SDK1: variants seen among roughly 807,000 people sequenced by gnomAD.
SDK1 encodes the protein protein sidekick-1.
Under a neutral mutation model 245.5 loss-of-function variants are expected in SDK1, and 157 were observed. The ratio of observed to expected loss-of-function variants is 0.64; its 90% CI spans 0.56 to 0.73. The LOEUF (loss-of-function observed/expected upper bound fraction) is 0.73, where lower values mean the gene tolerates loss of function less well. Ranked by LOEUF, SDK1 falls within the 30% of genes least tolerant of loss-of-function variation. The pLI is 0.00. For synonymous variants in SDK1, 1,647 were observed against 1,278.5 expected (o/e 1.29, Z -6.15); for missense variants, 3,583 against 3,002.3 (o/e 1.19, Z -4.52).
chr7:3,951,847 A>G lies in SDK1; in HGVS notation c.1077A>G (p.Pro359=), dbSNP rs6961589. The G allele has an allele frequency of 0.012, 18,972 of 1,613,780 alleles. 1,832 individuals carry two copies. In the African/African-American group the frequency reaches 0.21, roughly 18 times the overall value. Residue 359 remains proline, a synonymous_variant, in exon 7 of 45, where the codon CCA becomes CCG. Transcript: ENST00000404826. ...ISNPTSADTG[P]YVCEAALPGS... ...ACCCGACGTCCGCGGACACCGGGCC[A>G]TACGTCTGCGAGGCGGCGCTGCCGG...
chr7:3,460,873 A>G (rs1562499474), intron 1 of SDK1, among the ~76,000 whole-genome samples: 1 of 152,188 alleles, frequency 6.6e-6, no homozygotes, highest in Non-Finnish European at 1.5e-5. Flanking sequence ...TGGTATTTTA[A>G]AAATAAGTCT....
chr7:4,018,380 A>C (rs1271550691), intron 17 of SDK1, among the ~76,000 whole-genome samples: 1 of 152,146 alleles, frequency 6.6e-6, no homozygotes, highest in Non-Finnish European at 1.5e-5. Flanking sequence ...TGTCATCTGT[A>C]AGTCCATAAA....
At chr7:3,817,372 G>A (rs1029307773) in intron 4 of SDK1, among the ~76,000 whole-genome samples, 9 of 152,194 alleles carry the variant, frequency 5.9e-5, no homozygotes, top group Admixed American at 5.2e-4. Flanking sequence ...CCTGGTTCAG[G>A]TTAGTGTCTC....
intron 5 of SDK1, among the ~76,000 whole-genome samples, chr7:3,850,799 A>G (rs1005784369): frequency 2.1e-5 from 3 of 144,422 alleles, no homozygotes; most frequent in Non-Finnish European, 4.6e-5. Context: ...ATAGGTGGGA[A>G]TTGAACAATG....
Position 3,639,085 on chromosome 7 carries a change from A to G in SDK1, c.540A>G (p.Gln180=). 6.2e-7 allele frequency: 1 copy of G among 1,601,740 alleles called. No individual in the cohort carries two copies. The highest frequency in any genetic ancestry group is 8.5e-7 in the Non-Finnish European group (1 of 1,170,636). ...GAAACAGAATGGGAGCACTCCTGCA[A>G]AGAAAATCAGAAGTTCAAGTCGCAT... ...VVRNRMGALL[Q]RKSEVQVAYM... Residue 180 remains glutamine, a synonymous_variant, in exon 3 of 45, where the codon CAA becomes CAG. Coordinates refer to ENST00000404826, the MANE Select transcript of SDK1 (RefSeq NM_152744.4).
intron 4 of SDK1, among the ~76,000 whole-genome samples, chr7:3,766,656 T>C (rs1456590471): frequency 6.6e-6 from 1 of 152,216 alleles, no homozygotes; most frequent in Admixed American, 6.5e-5. Flanking sequence ...TAGCTTTTGG[T>C]TATTATGGGC....
At chr7:3,564,095 T>C (rs915387925) in intron 1 of SDK1, among the ~76,000 whole-genome samples, 1 of 152,078 alleles carries the variant, frequency 6.6e-6, no homozygotes, top group African/African-American at 2.4e-5. Flanking sequence ...ATTAAACATA[T>C]AGTTTATTAA....
intron 1 of SDK1, among the ~76,000 whole-genome samples, chr7:3,515,591 G>C (rs1782720672): frequency 6.6e-6 from 1 of 152,124 alleles, no homozygotes; most frequent in African/African-American, 2.4e-5. Flanking sequence ...TCTTAAAATA[G>C]TAGACTTCTC....
At chr7:3,499,477 A>G (rs1022052754) in intron 1 of SDK1, among the ~76,000 whole-genome samples, 1 of 152,210 alleles carries the variant, frequency 6.6e-6, no homozygotes, top group Non-Finnish European at 1.5e-5. Flanking sequence ...GGTTAACAAC[A>G]TTGCCAGTGT....
chr7:3,992,031 A>G (rs1784367599), intron 14 of SDK1, among the ~76,000 whole-genome samples: 3 of 152,338 alleles, frequency 2.0e-5, no homozygotes, highest in Non-Finnish European at 1.5e-5. Context: ...AAATAGCGCC[A>G]TCTACTAGGT....
chr7:4,178,107 G>C (rs564083312), intron 34 of SDK1, among the ~76,000 whole-genome samples: 32 of 152,344 alleles, frequency 2.1e-4, no homozygotes, highest in Admixed American at 1.9e-3. Context: ...GTCAATACCA[G>C]TGAAGCTTTG....
chr7:3,722,867 C>T (rs920794699), intron 4 of SDK1, among the ~76,000 whole-genome samples: 1 of 152,228 alleles, frequency 6.6e-6, no homozygotes, highest in African/African-American at 2.4e-5. Context: ...GCCATTCCCC[C>T]TCCTCTCTCA....
intron 1 of SDK1, among the ~76,000 whole-genome samples, chr7:3,462,618 C>A (rs1562500447): frequency 1.3e-5 from 2 of 152,138 alleles, no homozygotes; most frequent in African/African-American, 4.8e-5. Flanking sequence ...ACCAAACTTA[C>A]CTATCTACCT....
At chr7:3,809,929 C>G (rs995701342) in intron 4 of SDK1, among the ~76,000 whole-genome samples, 1 of 152,220 alleles carries the variant, frequency 6.6e-6, no homozygotes, top group African/African-American at 2.4e-5. Context: ...GTAAGAATGG[C>G]TGGGCCAACG....
At chr7:3,777,594 C>T (rs1263319021) in intron 4 of SDK1, among the ~76,000 whole-genome samples, 1 of 152,166 alleles carries the variant, frequency 6.6e-6, no homozygotes, top group Non-Finnish European at 1.5e-5. Flanking sequence ...ACCTGAGCCC[C>T]CTCTGCCAAC....
chr7:3,545,364 A>G (rs1295073838), intron 1 of SDK1, among the ~76,000 whole-genome samples: 2 of 152,210 alleles, frequency 1.3e-5, no homozygotes, highest in Non-Finnish European at 1.5e-5. Context: ...AGTGAGGCCA[A>G]GATGATATTG....
rs934787266 is a variant in SDK1 at position 4,265,565 on chromosome 7, G to C, written c.*181G>C. 16 of 1,341,984 alleles carry C rather than the reference G, an allele frequency of 1.2e-5. No individual in the cohort carries two copies. Among genetic ancestry groups the C allele is most frequent in the Non-Finnish European group, 1.5e-5 (16 of 1,055,850 alleles). 83.1% of individuals were successfully genotyped at this position (1,341,984 alleles called of 1,614,324 possible). A position where few individuals can be genotyped will look rare whatever the true frequency, so the allele number is the denominator to read the frequency against. On this transcript the variant is annotated 3_prime_UTR_variant, in exon 45 of 45. Transcript: ENST00000404826. The stretch of plus-strand genomic sequence containing the variant: ...TCAATTAGGAAGGTTTTTTTAAACG[G>C]CTTTTTGTAACTTCGCTGCAGGAAG...
rs767881736 is a variant in SDK1 at position 4,174,185 on chromosome 7, C to G, written c.4801-37C>G. On this transcript the variant is annotated intron_variant, in intron 32 of 44. Transcript: ENST00000404826. The stretch of plus-strand genomic sequence containing the variant: ...CTGCTGCAGGCCAGCTGGGTTGACT[C>G]CCATGGTGTGGCTGAGTCGGTGTGA... 1.7e-5 allele frequency: 27 copies of G among 1,611,650 alleles called. No individual in the cohort carries two copies. In the Middle Eastern group the frequency reaches 6.6e-4, roughly 39 times the overall value.
intron 8 of SDK1, among the ~76,000 whole-genome samples, chr7:3,961,244 T>C (rs976999682): frequency 3.9e-5 from 6 of 152,216 alleles, no homozygotes; most frequent in Non-Finnish European, 8.8e-5. Flanking sequence ...ACTGCTATTA[T>C]GAGATATTAC....
Sources: allele counts gnomAD v4.1 joint callset (sites outside exome capture counted in the v4.1 genomes callset), GRCh38; gene constraint gnomAD v4.1.1; transcripts MANE v1.5; gene names NCBI Gene and HGNC (gene_info 2026-07-23, HGNC 2026-07-21).